Variants in ST3GAL6 observed in about 807,000 individuals in gnomAD.
The protein encoded by ST3GAL6 is type 2 lactosamine alpha-2,3-sialyltransferase.
Under a neutral mutation model 40.5 loss-of-function variants are expected in ST3GAL6, and 31 were observed. The ratio of observed to expected loss-of-function variants is 0.77; its 90% CI spans 0.58 to 1.03. ST3GAL6 has a LOEUF of 1.03. ST3GAL6 is among the 50% of genes least tolerant of loss of function. The pLI, the probability that ST3GAL6 is intolerant of heterozygous loss-of-function variation, is 0.00. For synonymous variants in ST3GAL6, 129 were observed against 136.9 expected (o/e 0.94, Z 0.40); for missense variants, 357 against 393.2 (o/e 0.91, Z 0.78).
intron 9 of ST3GAL6, 84 bp downstream of exon 9, chr3:98,792,077 C>T: frequency 7.6e-7 from 1 of 1,320,332 alleles, no homozygotes; most frequent in Non-Finnish European, 1.0e-6. Context: ...TCTTCTCACA[C>T]TCATTTTACT....
chr3:98,767,808 T>C (rs1161582093), intron 1 of ST3GAL6, among the ~76,000 whole-genome samples: 2 of 152,204 alleles, frequency 1.3e-5, no homozygotes, highest in African/African-American at 4.8e-5. Context: ...ATATTGTCAA[T>C]TTAATACAAA....
chr3:98,750,172 C>G (rs1457134263), intron 1 of ST3GAL6, among the ~76,000 whole-genome samples: 3 of 152,156 alleles, frequency 2.0e-5, no homozygotes, highest in Non-Finnish European at 2.9e-5. Context: ...TTCATTCATT[C>G]TTTTCTTCAT....
At chr3:98,747,974 TG>T (rs1936695088) in intron 1 of ST3GAL6, among the ~76,000 whole-genome samples, 1 of 152,224 alleles carries the variant, frequency 6.6e-6, no homozygotes, top group Non-Finnish European at 1.5e-5. Flanking sequence ...AATGAGCTCA[TG>T]GGCATTTATT....
intron 1 of ST3GAL6, among the ~76,000 whole-genome samples, chr3:98,764,689 C>T (rs976066756): frequency 2.6e-5 from 4 of 152,150 alleles, no homozygotes; most frequent in Non-Finnish European, 5.9e-5. Context: ...TCAACAAAGT[C>T]GTTGCTTCTC....
chr3:98,788,462 A>AG lies in ST3GAL6; in HGVS notation c.756+1dup, dbSNP rs776050081. ...TTTCCAAAAGTGTTTCCCAAAAATC[A>AG]GGTATGTATTTATCTCTGCATGGTT... On this transcript the variant is annotated frameshift_variant and splice_region_variant, in exon 8 of 10. Transcript: ENST00000483910. LOFTEE classifies it high-confidence loss of function. 2.5e-6 allele frequency: 4 copies of AG among 1,606,418 alleles called. No individual in the cohort carries two copies.
chr3:98,782,800 G>A (rs878985343), intron 5 of ST3GAL6: 3 of 512,294 alleles, frequency 5.9e-6, no homozygotes, highest in Non-Finnish European at 1.2e-5. Flanking sequence ...AGATGCTTCA[G>A]GAGAAACAGG....
At chr3:98,791,577 T>G (rs1217556307) in intron 8 of ST3GAL6, among the ~76,000 whole-genome samples, 4 of 152,218 alleles carry the variant, frequency 2.6e-5, no homozygotes, top group Non-Finnish European at 5.9e-5. Context: ...ATTCTTTCAT[T>G]GGATAGTTGT....
upstream of ST3GAL6, chr3:98,763,133 A>C (rs1480367871): frequency 2.0e-6 from 2 of 985,412 alleles, no homozygotes; most frequent in Non-Finnish European, 2.4e-6. Flanking sequence ...TGGGTCTGTG[A>C]GGCTTAGGCT....
At chr3:98,758,870 A>G (rs921628493), upstream of ST3GAL6, among the ~76,000 whole-genome samples, 11 of 152,290 alleles carry the variant, frequency 7.2e-5, no homozygotes, top group Admixed American at 3.9e-4. Context: ...AGTATTTTAT[A>G]TTTACTACTT....
intron 6 of ST3GAL6, 144 bp downstream of exon 6, chr3:98,785,184 G>C: frequency 1.7e-6 from 1 of 593,440 alleles, no homozygotes; most frequent in Non-Finnish European, 2.9e-6. Context: ...TTGGTTGTTG[G>C]CTAGAGTTAG....
At position 98,737,518 on chromosome 3, in the gene ST3GAL6, C is replaced by T. The variant is rs1007300381; in HGVS notation, c.-12+4986C>T. On this transcript the variant is annotated intron_variant, in intron 1 of 9. Transcript: ENST00000265261. ...CACAAAGACAGGCAGAGCTCAGAGA[C>T]GCCTATACAGTATTCCTTTTATCCT... 2.0e-5 allele frequency among the ~76,000 whole-genome samples: 3 copies of T among 152,168 alleles called. No homozygotes were observed. The South Asian group carries it at 6.2e-4, about 31-fold the overall frequency.
chr3:98,732,705 T>C, intron 1 of ST3GAL6: 1 of 709,400 alleles, frequency 1.4e-6, no homozygotes, highest in Non-Finnish European at 2.1e-6. Context: ...CTCGGCGCAG[T>C]CGCCCGGGAT....
At chr3:98,764,898 G>C (rs1056404547) in intron 1 of ST3GAL6, among the ~76,000 whole-genome samples, 2 of 150,978 alleles carry the variant, frequency 1.3e-5, no homozygotes, top group African/African-American at 4.9e-5. Flanking sequence ...AGGCATTTAG[G>C]GTAAAAAAAA....
intron 8 of ST3GAL6, among the ~76,000 whole-genome samples, chr3:98,789,732 G>T (rs942070433): frequency 1.3e-5 from 2 of 152,182 alleles, no homozygotes; most frequent in Non-Finnish European, 2.9e-5. Context: ...TTCTGAATGT[G>T]TGTTTTGTGA....
upstream of ST3GAL6, among the ~76,000 whole-genome samples, chr3:98,762,519 C>T (rs569727903): frequency 3.3e-5 from 5 of 152,150 alleles, no homozygotes; most frequent in African/African-American, 7.2e-5. Flanking sequence ...TTGAGAATTT[C>T]GTCATCCTTC....
chr3:98,793,595 T>A lies in ST3GAL6; in HGVS notation c.910-80T>A. ...TTCGAGTTCTTTATTCGGATTTTTT[T>A]AGATATAAAGTACTCCATTGGTGCT... On this transcript the variant is annotated intron_variant, in intron 9 of 9. Coordinates refer to ENST00000483910, the MANE Select transcript of ST3GAL6 (RefSeq NM_001323368.2). 5 of 816,684 alleles carry A rather than the reference T, an allele frequency of 6.1e-6. No individual in the cohort carries two copies. In the South Asian group the frequency reaches 1.1e-4, roughly 19 times the overall value. 50.6% of individuals were successfully genotyped at this position (816,684 alleles called of 1,614,324 possible). A position where few individuals can be genotyped will look rare whatever the true frequency, so the allele number is the denominator to read the frequency against.
intron 5 of ST3GAL6, among the ~76,000 whole-genome samples, chr3:98,777,042 T>C (rs1354142946): frequency 6.6e-6 from 1 of 152,216 alleles, no homozygotes; most frequent in Non-Finnish European, 1.5e-5. Flanking sequence ...AGGCTGCTTC[T>C]CTATCTTGAC....
At chr3:98,771,110 T>G in intron 3 of ST3GAL6, 154 bp downstream of exon 3, 1 of 1,518,666 alleles carries the variant, frequency 6.6e-7, no homozygotes, top group Non-Finnish European at 8.8e-7. Flanking sequence ...TGTCTCTTTT[T>G]GTGCTTTTAG....
At chr3:98,791,803 C>T (rs1214209006) in intron 8 of ST3GAL6, 38 bp from the exon 9 acceptor site, 1 of 1,581,458 alleles carries the variant, frequency 6.3e-7, no homozygotes, top group African/African-American at 1.4e-5. Context: ...CAAGTAGCTC[C>T]TTTTGCTTAA....
Sources: gnomAD v4.1 joint callset for allele counts (sites outside exome capture counted in the v4.1 genomes callset) on GRCh38, gnomAD v4.1.1 for gene constraint, MANE v1.5 for transcripts, NCBI Gene and HGNC (gene_info 2026-07-23, HGNC 2026-07-21) for gene names.